DLGAP4: variants seen among roughly 807,000 people sequenced by gnomAD.
DLGAP4 encodes the protein disks large-associated protein 4.
A neutral mutation model predicts 86.9 loss-of-function variants in DLGAP4; 18 were observed. That is an observed-to-expected ratio of 0.21 (90% CI 0.14 to 0.31). The LOEUF (loss-of-function observed/expected upper bound fraction) is 0.31. Ranked by LOEUF, DLGAP4 falls within the 10% of genes least tolerant of loss-of-function variation. The pLI is 1.00. For synonymous variants in DLGAP4, 548 were observed against 574.3 expected (o/e 0.95, Z 0.65); for missense variants, 1,085 against 1,362.6 (o/e 0.80, Z 3.21).
chr20:36,343,270 A>T (rs1600416005), intron 1 of DLGAP4, among the ~76,000 whole-genome samples: 2 of 152,110 alleles, frequency 1.3e-5, no homozygotes. Flanking sequence ...TGTGGCTTGG[A>T]CCCAGGGTGG....
intron 1 of DLGAP4, among the ~76,000 whole-genome samples, chr20:36,356,707 A>T (rs1161930438): frequency 6.6e-6 from 1 of 151,208 alleles, no homozygotes; most frequent in African/African-American, 2.4e-5. Flanking sequence ...AGAACACGCC[A>T]CTTACTAATG....
intron 3 of DLGAP4, among the ~76,000 whole-genome samples, chr20:36,434,086 G>C (rs890701759): frequency 6.6e-6 from 1 of 151,732 alleles, no homozygotes; most frequent in East Asian, 1.9e-4. Flanking sequence ...TGGGATTATA[G>C]GTGCGAGCCA....
At chr20:36,473,152 A>C (rs545422847) in intron 7 of DLGAP4, 1 of 152,338 alleles carries the variant, frequency 6.6e-6, no homozygotes, top group South Asian at 2.1e-4. Context: ...GCTTTCACAG[A>C]GCATTTCACT....
chr20:36,485,040 A>G (rs771326523), intron 7 of DLGAP4, among the ~76,000 whole-genome samples: 1 of 152,200 alleles, frequency 6.6e-6, no homozygotes, highest in Non-Finnish European at 1.5e-5. Context: ...AAATAAGAGT[A>G]ATTAGGATAT....
At chr20:36,386,363 G>A (rs2031595826) in intron 2 of DLGAP4, among the ~76,000 whole-genome samples, 1 of 151,698 alleles carries the variant, frequency 6.6e-6, no homozygotes, top group African/African-American at 2.4e-5. Context: ...CTGAAGGAAG[G>A]AAGGTAGAGA....
chr20:36,388,768 G>A (rs951536589), intron 2 of DLGAP4, among the ~76,000 whole-genome samples: 1 of 152,148 alleles, frequency 6.6e-6, no homozygotes, highest in Non-Finnish European at 1.5e-5. Context: ...CCTGGTGCAG[G>A]TGCCCAGGAA....
chr20:36,429,964 G>T (rs1013433346), intron 2 of DLGAP4, among the ~76,000 whole-genome samples: 1 of 152,096 alleles, frequency 6.6e-6, no homozygotes. Flanking sequence ...CACTTGCTCT[G>T]CTCCAGCCAC....
At position 36,500,312 on chromosome 20, in the gene DLGAP4, C is replaced by G; in HGVS notation, c.2213C>G (p.Pro738Arg). 1 of 1,614,030 alleles carries G rather than the reference C, an allele frequency of 6.2e-7. No homozygotes were observed. Among genetic ancestry groups the G allele is most frequent in the Non-Finnish European group, 8.5e-7 (1 of 1,179,916 alleles). ...GAGAGGAGCCTCCCGGACTGTACCC[C>G]TCACCCCAACTCCATCAGCATCGAT... Reference protein sequence around the residue: ...SSERSLPDCTPHPNSISIDAG... With the variant: ...SSERSLPDCTRHPNSISIDAG... The change falls in exon 10 of 13, where the codon CCT becomes CGT. Residue 738 changes from proline to arginine, a missense_variant. Transcript: ENST00000339266. This position sits in a 1 kb window ranked among gnomAD's most constrained non-coding sequence, Gnocchi z 4.6.
At chr20:36,493,654 G>A (rs147278623) in intron 7 of DLGAP4, among the ~76,000 whole-genome samples, 2,031 of 152,280 alleles carry the variant, frequency 0.013, 28 homozygotes, top group Non-Finnish European at 0.017. Context: ...CCCAAACACC[G>A]GCAGCCCAGC....
intron 7 of DLGAP4, chr20:36,462,293 C>T: frequency 3.0e-6 from 4 of 1,327,916 alleles, no homozygotes; most frequent in East Asian, 3.4e-5. Context: ...CTTGTTCTCT[C>T]TCAGGTCTCC....
chr20:36,454,318 T>G (rs535414495), intron 7 of DLGAP4, among the ~76,000 whole-genome samples: 61 of 152,248 alleles, frequency 4.0e-4, no homozygotes, highest in Admixed American at 3.7e-3. Flanking sequence ...AGCCATCTGT[T>G]GAAAAATTGT....
intron 2 of DLGAP4, among the ~76,000 whole-genome samples, chr20:36,424,234 C>T (rs930750518): frequency 2.6e-5 from 4 of 152,124 alleles, no homozygotes; most frequent in Non-Finnish European, 5.9e-5. Flanking sequence ...GAGGCCTCAG[C>T]GAATCCCATA....
At chr20:36,417,780 T>TG (rs2032702451) in intron 2 of DLGAP4, among the ~76,000 whole-genome samples, 1 of 148,112 alleles carries the variant, frequency 6.8e-6, no homozygotes. Flanking sequence ...TTGGTTTTTT[T>TG]TTTTTGTTGT....
At chr20:36,354,996 C>G (rs2030279075) in intron 1 of DLGAP4, among the ~76,000 whole-genome samples, 1 of 152,126 alleles carries the variant, frequency 6.6e-6, no homozygotes, top group African/African-American at 2.4e-5. Context: ...AAACAAGCAA[C>G]TTTATGGAAG....
intron 7 of DLGAP4, among the ~76,000 whole-genome samples, chr20:36,452,761 C>T (rs73618582): frequency 3.1e-4 from 46 of 150,046 alleles, no homozygotes; most frequent in Admixed American, 1.8e-3. Context: ...CTGCCCGCCT[C>T]GGCCTCCCAA....
At chr20:36,353,605 C>T (rs2030232661) in intron 1 of DLGAP4, among the ~76,000 whole-genome samples, 1 of 152,256 alleles carries the variant, frequency 6.6e-6, no homozygotes, top group Admixed American at 6.5e-5. Flanking sequence ...AGGAGCCGTA[C>T]AGCTGGGGAA....
intron 2 of DLGAP4, among the ~76,000 whole-genome samples, chr20:36,385,682 C>A (rs2031570548): frequency 6.6e-6 from 1 of 152,206 alleles, no homozygotes; most frequent in Non-Finnish European, 1.5e-5. Context: ...CCACCAGCCT[C>A]CCTAATGGCT....
chr20:36,486,084 T>C (rs182882851), intron 7 of DLGAP4, among the ~76,000 whole-genome samples: 1 of 152,334 alleles, frequency 6.6e-6, no homozygotes, highest in East Asian at 1.9e-4. Flanking sequence ...TCTGCTTCCA[T>C]GTGCCTCTGT....
chr20:36,424,785 G>T (rs1254093730), intron 2 of DLGAP4, among the ~76,000 whole-genome samples: 1 of 150,846 alleles, frequency 6.6e-6, no homozygotes, highest in Non-Finnish European at 1.5e-5. Flanking sequence ...ACTCAGTCTG[G>T]AGTGCAGTGG....
Sources: gnomAD v4.1 joint callset for allele counts (sites outside exome capture counted in the v4.1 genomes callset) on GRCh38, gnomAD v4.1.1 for gene constraint, Gnocchi (gnomAD v3.1) non-coding constraint, MANE v1.5 for transcripts, NCBI Gene and HGNC (gene_info 2026-07-23, HGNC 2026-07-21) for gene names.